The following SLC18A2 variants were observed in gnomAD, a reference collection of about 807,000 sequenced individuals.
The protein encoded by SLC18A2 is synaptic vesicular amine transporter.
In SLC18A2, 33 loss-of-function variants were observed where a neutral mutation model predicts 59.2. The ratio of observed to expected loss-of-function variants is 0.56; its 90% confidence interval spans 0.42 to 0.75. The LOEUF is 0.75. SLC18A2 is among the 30% of genes least tolerant of loss of function. The pLI is 0.00. For missense variants in SLC18A2, 569 were observed against 668.6 expected (o/e 0.85, Z 1.64); for synonymous variants, 228 against 253.5 (o/e 0.90, Z 0.95).
At chr10:117,246,005 A>G (rs1395416122) in intron 3 of SLC18A2, among the ~76,000 whole-genome samples, 1 of 152,238 alleles carries the variant, frequency 6.6e-6, no homozygotes, top group Admixed American at 6.5e-5. Context: ...TGAGCCCATT[A>G]AGAAGGTGAC....
chr10:117,261,084 C>T (rs1238841601), intron 10 of SLC18A2, among the ~76,000 whole-genome samples: 2 of 152,056 alleles, frequency 1.3e-5, no homozygotes, highest in Non-Finnish European at 2.9e-5. Context: ...GCAGGCTGGG[C>T]CGGTGGCTTA....
At chr10:117,276,374 G>C (rs1374789478) in intron 15 of SLC18A2, among the ~76,000 whole-genome samples, 1 of 152,022 alleles carries the variant, frequency 6.6e-6, no homozygotes, top group Non-Finnish European at 1.5e-5. Context: ...CACTTTGGGA[G>C]GCTGAGGAGG....
At chr10:117,266,894 G>C in intron 11 of SLC18A2, 83 bp downstream of exon 11, 1 of 1,550,452 alleles carries the variant, frequency 6.4e-7, no homozygotes, top group Non-Finnish European at 8.9e-7. Context: ...TGCCTTTGCT[G>C]TTACAAGTAA....
rs1377332736 is a variant in SLC18A2, at chr10:117,269,171, A to G, written c.1187-900A>G. On this transcript the variant is annotated intron_variant, in intron 13 of 15. Coordinates refer to ENST00000644641, the MANE Select transcript of SLC18A2 (RefSeq NM_003054.6). The surrounding 1 kb of genome is among the most constrained non-coding windows in gnomAD (Gnocchi z 5.1). ...CATACATATGCACACATACACACATACATATACACACATACACACACACCT... is the reference window on the plus strand; with the variant it reads ...CATACATATGCACACATACACACATGCATATACACACATACACACACACCT... 3.3e-5 allele frequency among the ~76,000 whole-genome samples: 5 copies of G among 149,668 alleles called. No individual in the cohort carries two copies. Among genetic ancestry groups the G allele is most frequent in the Non-Finnish European group, 7.4e-5 (5 of 67,614 alleles).
chr10:117,245,553 G>C (rs572651611), intron 3 of SLC18A2, among the ~76,000 whole-genome samples: 1 of 152,194 alleles, frequency 6.6e-6, no homozygotes, highest in South Asian at 2.1e-4. Flanking sequence ...TGCCTTTGGC[G>C]TGGGGAGTGG....
At chr10:117,265,009 G>A (rs1844333453) in intron 10 of SLC18A2, among the ~76,000 whole-genome samples, 1 of 152,188 alleles carries the variant, frequency 6.6e-6, no homozygotes, top group African/African-American at 2.4e-5. Flanking sequence ...CAAGAATCAC[G>A]TTGTCATTGT....
rs1301433312 is a variant in SLC18A2, at chr10:117,265,562, A to T, written c.992-1171A>T. On this transcript the variant is annotated intron_variant, in intron 10 of 15. Coordinates refer to ENST00000644641, the MANE Select transcript of SLC18A2 (RefSeq NM_003054.6). Reference sequence around the variant, plus strand: ...CTAGGAGTTTGAAAAGCAGTCACTCATAAAGAGATTGTCCTGTGGTTCTGA... The same window carrying T: ...CTAGGAGTTTGAAAAGCAGTCACTCTTAAAGAGATTGTCCTGTGGTTCTGA... Among the ~76,000 whole-genome samples the T allele has an allele frequency of 4.6e-5, 7 of 152,332 alleles. No individual in the cohort carries two copies. The East Asian group carries it at 1.2e-3, about 25-fold the overall frequency.
intron 3 of SLC18A2, among the ~76,000 whole-genome samples, chr10:117,249,900 C>T (rs1300664820): frequency 6.6e-6 from 1 of 152,142 alleles, no homozygotes; most frequent in African/African-American, 2.4e-5. Context: ...TGACATTTGG[C>T]TAAAGGTTTG....
At chr10:117,262,368 A>C (rs547605855) in intron 10 of SLC18A2, among the ~76,000 whole-genome samples, 1 of 152,350 alleles carries the variant, frequency 6.6e-6, no homozygotes, top group South Asian at 2.1e-4. Flanking sequence ...AGCCAAGATG[A>C]AAGTGGAAGC....
Position 117,269,120 on chromosome 10 carries a change from C to G in SLC18A2, c.1187-951C>G, listed in dbSNP as rs1180949480. ...ATGCATACATACATACACGTAGATA[C>G]ACATACACATACAAACACCCACCCA... On this transcript the variant is annotated intron_variant, in intron 13 of 15. Transcript: ENST00000644641. The surrounding 1 kb of genome is among the most constrained non-coding windows in gnomAD (Gnocchi z 5.1). Among the ~76,000 whole-genome samples the G allele has an allele frequency of 6.6e-6, 1 of 151,186 alleles. No homozygotes were observed. The highest frequency in any genetic ancestry group is 2.4e-5 in the African/African-American group (1 of 41,030).
At chr10:117,259,322 T>C (rs1270127237) in intron 10 of SLC18A2, among the ~76,000 whole-genome samples, 1 of 152,256 alleles carries the variant, frequency 6.6e-6, no homozygotes, top group Non-Finnish European at 1.5e-5. Flanking sequence ...AATTCTCCAA[T>C]TGCAGTCAAG....
intron 15 of SLC18A2, 72 bp downstream of exon 15, chr10:117,270,535 G>A (rs1844413367): frequency 2.6e-6 from 4 of 1,553,252 alleles, no homozygotes. Context: ...GCTTCCTCAT[G>A]GTTTCATTCT....
intron 3 of SLC18A2, among the ~76,000 whole-genome samples, chr10:117,250,123 G>A (rs922658438): frequency 4.6e-5 from 7 of 152,168 alleles, no homozygotes; most frequent in Non-Finnish European, 7.3e-5. Flanking sequence ...GTGGGTGCCC[G>A]AGGGGCCAGA....
rs1844363176 is a variant in SLC18A2, at chr10:117,267,685, A to G, written c.1135A>G (p.Lys379Glu). 3.8e-6 allele frequency: 6 copies of G among 1,564,304 alleles called. No homozygotes were observed. Among genetic ancestry groups the G allele is most frequent in the East Asian group, 4.5e-5 (2 of 44,014 alleles). The change falls in exon 13 of 16, where the codon AAA becomes GAA. Residue 379 changes from lysine to glutamate, a missense_variant. This residue lies in a region of SLC18A2 where 192 missense variants were observed against 278.8 expected (regional missense o/e 0.69). Transcript: ENST00000644641. Reference protein sequence around the residue: ...GVSILCIPFAKNIYGLIAPNF... With the variant: ...GVSILCIPFAENIYGLIAPNF... Reference sequence around the variant, plus strand: ...TTTCCTCTTACAGATTCCATTTGCAAAAAACATTTATGGACTCATAGCTCC... The same window carrying G: ...TTTCCTCTTACAGATTCCATTTGCAGAAAACATTTATGGACTCATAGCTCC...
At chr10:117,255,774 T>TA (rs1244263353) in intron 9 of SLC18A2, 117 bp downstream of exon 9, 6 of 875,856 alleles carry the variant, frequency 6.9e-6, no homozygotes, top group African/African-American at 1.7e-5. Context: ...TTGGGCTATA[T>TA]AAAAAAACAG....
intron 15 of SLC18A2, among the ~76,000 whole-genome samples, chr10:117,275,725 C>A (rs1844480856): frequency 2.0e-5 from 3 of 152,140 alleles, no homozygotes. Context: ...ATGATAAATG[C>A]CAGCTATCAA....
At chr10:117,275,917 G>A (rs1274827167) in intron 15 of SLC18A2, among the ~76,000 whole-genome samples, 1 of 152,106 alleles carries the variant, frequency 6.6e-6, no homozygotes, top group East Asian at 1.9e-4. Context: ...AGGCGGTCAG[G>A]AAATCACATG....
At chr10:117,252,283 C>G (rs868478633) in intron 3 of SLC18A2, among the ~76,000 whole-genome samples, 1 of 143,340 alleles carries the variant, frequency 7.0e-6, no homozygotes, top group African/African-American at 2.5e-5. Context: ...CATGCTCAGC[C>G]GATTACAATT....
At chr10:117,241,578 C>A in intron 1 of SLC18A2, 101 bp from the exon 2 acceptor site, 1 of 1,270,262 alleles carries the variant, frequency 7.9e-7, no homozygotes, top group Non-Finnish European at 1.0e-6. Context: ...CCCCGGATGC[C>A]GGTGCGCGCG....
Sources: gnomAD v4.1 joint callset for allele counts (sites outside exome capture counted in the v4.1 genomes callset) on GRCh38, gnomAD v4.1.1 for gene constraint, gnomAD v4.1.1 regional missense constraint, Gnocchi (gnomAD v3.1) non-coding constraint, MANE v1.5 for transcripts, NCBI Gene and HGNC (gene_info 2026-07-23, HGNC 2026-07-21) for gene names.